The following ZFHX3 variants were observed in gnomAD, a reference collection of about 807,000 sequenced individuals.
ZFHX3 encodes zinc finger homeobox 3.
Under a neutral mutation model 279.1 loss-of-function variants are expected in ZFHX3, and 42 were observed. The observed-to-expected ratio is 0.15, with a 90% CI of 0.12 to 0.19. The LOEUF (loss-of-function observed/expected upper bound fraction) is 0.19, where lower values mean the gene tolerates loss of function less well. Ranked by LOEUF, ZFHX3 falls within the 10% of genes least tolerant of loss-of-function variation. The probability of loss-of-function intolerance (pLI) is 1.00; values close to 1 mark genes in which losing one functional copy is unlikely to be tolerated. For missense variants in ZFHX3, 4,981 were observed against 4,754.0 expected (o/e 1.05, Z -1.40); for synonymous variants, 2,293 against 1,957.8 (o/e 1.17, Z -4.52).
chr16:73,248,934 T>A (rs2013394573), intron 5 of ZFHX3, among the ~76,000 whole-genome samples: 1 of 152,214 alleles, frequency 6.6e-6, no homozygotes, highest in Non-Finnish European at 1.5e-5. Context: ...CCAAATCTAT[T>A]CTCTGGCCCA....
chr16:73,711,630 C>T (rs1409089895), intron 1 of ZFHX3, among the ~76,000 whole-genome samples: 1 of 152,098 alleles, frequency 6.6e-6, no homozygotes, highest in Non-Finnish European at 1.5e-5. Context: ...AATCACACTG[C>T]ACCTCTAGAT....
chr16:73,440,036 C>G (rs934692033), intron 3 of ZFHX3, among the ~76,000 whole-genome samples: 1 of 150,418 alleles, frequency 6.6e-6, no homozygotes, highest in Admixed American at 6.6e-5. Flanking sequence ...CAGTCAAGTG[C>G]GTTGTTCACA....
intron 3 of ZFHX3, among the ~76,000 whole-genome samples, chr16:73,336,971 G>T (rs539509701): frequency 2.0e-5 from 3 of 152,234 alleles, no homozygotes; most frequent in Non-Finnish European, 4.4e-5. Context: ...ATTTAAGGCA[G>T]ACCTACAAGG....
intron 7 of ZFHX3, among the ~76,000 whole-genome samples, chr16:73,128,919 A>G (rs886559404): frequency 2.0e-5 from 3 of 152,130 alleles, no homozygotes; most frequent in Non-Finnish European, 4.4e-5. Context: ...TGGTTGTTGG[A>G]GTAATGGTCA....
chr16:73,787,814 A>AGTGTGTGTGTGTGTGT (rs72236616), intron 1 of ZFHX3, among the ~76,000 whole-genome samples: 23 of 138,070 alleles, frequency 1.7e-4, no homozygotes, highest in Non-Finnish European at 2.9e-4. Context: ...GTTTTCTTAA[A>AGTGTGTGTGTGTGTGT]GTGTGTGTGT....
At chr16:73,580,875 T>C (rs1297350400) in intron 2 of ZFHX3, among the ~76,000 whole-genome samples, 2 of 151,866 alleles carry the variant, frequency 1.3e-5, no homozygotes, top group Non-Finnish European at 2.9e-5. Context: ...CATTAGACTT[T>C]ATAGTTTCTT....
rs191116179 is a variant in ZFHX3, at chr16:72,865,890, T to A, written c.3448+23841A>T. The stretch of plus-strand genomic sequence containing the variant: ...CTCTGGAGTAGGGCTCCCCTTGCCC[T>A]ACACAATGGAGGAAACGCCATGCTG... On this transcript the variant is annotated intron_variant, in intron 4 of 9. Transcript: ENST00000268489. Among the ~76,000 whole-genome samples, 18 of 152,188 alleles carry A rather than the reference T, an allele frequency of 1.2e-4. No homozygotes were observed. The East Asian group carries it at 3.5e-3, about 30-fold the overall frequency.
At chr16:73,797,864 G>A (rs1289237192) in intron 1 of ZFHX3, among the ~76,000 whole-genome samples, 2 of 144,158 alleles carry the variant, frequency 1.4e-5, no homozygotes. Context: ...ACCCAGGCTG[G>A]AGTGTAATGG....
At chr16:73,857,988 C>T (rs1020122724) in intron 1 of ZFHX3, among the ~76,000 whole-genome samples, 5 of 151,572 alleles carry the variant, frequency 3.3e-5, no homozygotes, top group African/African-American at 9.7e-5. Context: ...ACCGGCTACT[C>T]GGGAGGCTGA....
chr16:73,787,973 GA>G (rs917713282), intron 1 of ZFHX3, among the ~76,000 whole-genome samples: 6 of 152,136 alleles, frequency 3.9e-5, no homozygotes, highest in Non-Finnish European at 8.8e-5. Context: ...TAGCTGAAGA[GA>G]GTTTAACAAA....
chr16:73,591,261 G>A (rs939454753), intron 2 of ZFHX3, among the ~76,000 whole-genome samples: 3 of 152,010 alleles, frequency 2.0e-5, no homozygotes, highest in African/African-American at 7.2e-5. Context: ...GCTGAGGCAG[G>A]AGAATTGCTT....
intron 2 of ZFHX3, among the ~76,000 whole-genome samples, chr16:73,581,664 T>TA (rs2051862363): frequency 8.0e-6 from 1 of 125,344 alleles, no homozygotes; most frequent in African/African-American, 3.1e-5. Flanking sequence ...TGTCTCTTTT[T>TA]TTTTTTTTTT....
chr16:73,181,506 C>T (rs943600732), intron 5 of ZFHX3, among the ~76,000 whole-genome samples: 1 of 152,288 alleles, frequency 6.6e-6, no homozygotes, highest in African/African-American at 2.4e-5. Context: ...GTTTATGTCT[C>T]ATGAATGGGG....
chr16:73,453,869 A>G (rs888018647), intron 3 of ZFHX3, among the ~76,000 whole-genome samples: 3 of 152,104 alleles, frequency 2.0e-5, no homozygotes, highest in African/African-American at 7.2e-5. Flanking sequence ...ATTCACTATC[A>G]CCAGAACAGC....
chr16:73,839,891 C>T (rs1961255116), intron 1 of ZFHX3, among the ~76,000 whole-genome samples: 2 of 152,302 alleles, frequency 1.3e-5, no homozygotes, highest in South Asian at 2.1e-4. Context: ...GCTTGGTGTA[C>T]ACCAGGTTCT....
chr16:73,774,491 T>C lies in ZFHX3; in HGVS notation c.-1607-94251A>G, dbSNP rs78213922. On this transcript the variant is annotated intron_variant, in intron 1 of 17. Transcript: ENST00000641206. ...AAACAAATACCCATATGCTCTGTTC[T>C]TCCTACTTGTAAGCACCTGACTTAC... Among the ~76,000 whole-genome samples the C allele has an allele frequency of 6.8e-3, 1,034 of 152,330 alleles. 11 individuals are homozygous for C. The highest frequency in any genetic ancestry group is 0.023 in the African/African-American group (975 of 41,568).
chr16:73,085,031 C>T (rs1397221315), intron 8 of ZFHX3, among the ~76,000 whole-genome samples: 1 of 151,720 alleles, frequency 6.6e-6, no homozygotes, highest in African/African-American at 2.4e-5. Context: ...GTATTCTGCA[C>T]AGAAATAGAA....
At chr16:73,540,472 G>C (rs991638648) in intron 2 of ZFHX3, among the ~76,000 whole-genome samples, 4 of 152,142 alleles carry the variant, frequency 2.6e-5, no homozygotes, top group African/African-American at 9.7e-5. Flanking sequence ...TCTCCTAAGA[G>C]AATCTAGTCT....
In ZFHX3 at chr16:72,794,375, G is replaced by T; in HGVS notation, c.8307C>A (p.Ser2769Arg). The T allele has an allele frequency of 6.2e-7, 1 of 1,603,902 alleles. No homozygotes were observed. The highest frequency in any genetic ancestry group is 8.5e-7 in the Non-Finnish European group (1 of 1,174,622). ...TACTGCTTGGGGGTAGGTGGGAAAA[G>T]CTAGTTCCGTCAAAAATATCTCCTT... is the stretch of plus-strand genomic sequence containing the variant. ...QMKGDIFDGT[S>R]FSHLPPSSSD... The change falls in exon 9 of 10, where the codon AGC (serine) becomes AGA (arginine). Residue 2769 changes from serine to arginine, a missense_variant. Transcript: ENST00000268489. This position sits in a 1 kb window ranked among gnomAD's most constrained non-coding sequence, Gnocchi z 4.2.
Sources: allele counts gnomAD v4.1 joint callset (sites outside exome capture counted in the v4.1 genomes callset), GRCh38; gene constraint gnomAD v4.1.1; non-coding constraint Gnocchi (gnomAD v3.1); transcripts MANE v1.5; gene names NCBI Gene and HGNC (gene_info 2026-07-23, HGNC 2026-07-21).